PTPRN2: variants seen among roughly 807,000 people sequenced by gnomAD.
PTPRN2 encodes the protein protein tyrosine phosphatase receptor type N2, also known as receptor-type tyrosine-protein phosphatase N2.
In PTPRN2, 74 loss-of-function variants were observed where a neutral mutation model predicts 118.8. The ratio of observed to expected loss-of-function variants is 0.62; its 90% confidence interval spans 0.52 to 0.76. The LOEUF is 0.76. Among genes scored for constraint, PTPRN2 ranks in the 30% least tolerant of loss-of-function variants. PTPRN2 has a pLI of 0.00. For missense variants in PTPRN2, 1,481 were observed against 1,394.4 expected (o/e 1.06, Z -0.99); for synonymous variants, 641 against 608.0 (o/e 1.05, Z -0.80).
intron 5 of PTPRN2, among the ~76,000 whole-genome samples, chr7:158,189,388 C>T (rs896432925): frequency 1.3e-5 from 2 of 152,208 alleles, no homozygotes; most frequent in Non-Finnish European, 2.9e-5. Flanking sequence ...CAAAATGGAA[C>T]AACTGAGGCT....
At chr7:158,436,026 C>T (rs1816550227) in intron 2 of PTPRN2, among the ~76,000 whole-genome samples, 2 of 152,224 alleles carry the variant, frequency 1.3e-5, no homozygotes, top group African/African-American at 4.8e-5. Flanking sequence ...ATCAACAATA[C>T]TGTGCCATGC....
intron 3 of PTPRN2, among the ~76,000 whole-genome samples, chr7:158,211,716 C>G (rs1827616754): frequency 6.6e-6 from 1 of 152,158 alleles, no homozygotes; most frequent in Non-Finnish European, 1.5e-5. Context: ...CAGGCAATAA[C>G]AAATGCTGGC....
chr7:158,313,384 A>T lies in PTPRN2; in HGVS notation c.277+3435T>A, dbSNP rs191240279. 2.4e-3 allele frequency among the ~76,000 whole-genome samples: 365 copies of T among 152,350 alleles called. 10 individuals are homozygous for T. Among genetic ancestry groups the T allele is most frequent in the Admixed American group, 0.02 (311 of 15,310 alleles). ...CAATTCTGTGTCCCCACAATGCAGA[A>T]GATGACTTTTCACTGTCTAGAGAGT... On this transcript the variant is annotated intron_variant, in intron 3 of 22. Coordinates refer to ENST00000389418, the MANE Select transcript of PTPRN2 (RefSeq NM_002847.5).
chr7:158,149,536 G>A lies in PTPRN2; in HGVS notation c.911-11021C>T, dbSNP rs187724776. On this transcript the variant is annotated intron_variant, in intron 6 of 22. Transcript: ENST00000389418. ...AAGATAAGCCCGGCTGGGCGCAGTG[G>A]CTCATGCCTGTAATCCCAGCACTTT... is the stretch of plus-strand genomic sequence containing the variant. Among the ~76,000 whole-genome samples, 10 of 152,278 alleles carry A rather than the reference G, an allele frequency of 6.6e-5. 1 individual carries two copies. The highest frequency in any genetic ancestry group is 2.4e-4 in the African/African-American group (10 of 41,554).
chr7:158,131,320 C>A, intron 9 of PTPRN2, among the ~76,000 whole-genome samples: 1 of 83,110 alleles, frequency 1.2e-5, no homozygotes, highest in African/African-American at 7.2e-5. Flanking sequence ...ATCTACCCCA[C>A]ATACACACTC....
At chr7:158,456,421 C>T (rs147523371) in intron 2 of PTPRN2, among the ~76,000 whole-genome samples, 3,734 of 145,726 alleles carry the variant, frequency 0.026, 74 homozygotes, top group African/African-American at 0.043. Flanking sequence ...CCATCGGCCA[C>T]GGCCCCCCAT....
At chr7:157,912,842 C>CAG (rs1798175619) in intron 11 of PTPRN2, among the ~76,000 whole-genome samples, 1 of 152,188 alleles carries the variant, frequency 6.6e-6, no homozygotes, top group Admixed American at 6.5e-5. Flanking sequence ...GTTCCTGGCC[C>CAG]AGGTGTCTCT....
At chr7:158,370,499 T>A (rs1438580620) in intron 2 of PTPRN2, among the ~76,000 whole-genome samples, 1 of 150,972 alleles carries the variant, frequency 6.6e-6, no homozygotes, top group African/African-American at 2.4e-5. Flanking sequence ...ACGCCTGTAA[T>A]CCCAGCACTT....
chr7:158,576,429 C>T (rs1381775798), intron 1 of PTPRN2, among the ~76,000 whole-genome samples: 1 of 152,208 alleles, frequency 6.6e-6, no homozygotes, highest in African/African-American at 2.4e-5. Flanking sequence ...GGGCTGAAAA[C>T]ATGAGGGGCC....
chr7:158,386,888 C>G (rs2151363826), intron 2 of PTPRN2, among the ~76,000 whole-genome samples: 1 of 152,228 alleles, frequency 6.6e-6, no homozygotes, highest in Middle Eastern at 3.4e-3. Flanking sequence ...AATCTGCCAC[C>G]CTGGGAGATG....
chr7:158,318,998 C>T (rs1022269220), intron 2 of PTPRN2, among the ~76,000 whole-genome samples: 8 of 152,278 alleles, frequency 5.3e-5, no homozygotes, highest in Admixed American at 6.5e-5. Flanking sequence ...AATTTTGGAA[C>T]GTTCCAAGCA....
At position 157,611,662 on chromosome 7, in the gene PTPRN2, G is replaced by C. The variant is rs1802346064; in HGVS notation, c.2345-7587C>G. 6.6e-6 allele frequency among the ~76,000 whole-genome samples: 1 copy of C among 152,148 alleles called. No homozygotes were observed. Among genetic ancestry groups the C allele is most frequent in the Non-Finnish European group, 1.5e-5 (1 of 68,026 alleles). ...ATGACTGGCGTGCTGTTAGGAAGAA[G>C]GACTCTGCACACCCACACGGGAGGG... On this transcript the variant is annotated intron_variant, in intron 15 of 22. Transcript: ENST00000389418. This position sits in a 1 kb window ranked among gnomAD's most constrained non-coding sequence, Gnocchi z 5.9.
intron 2 of PTPRN2, among the ~76,000 whole-genome samples, chr7:158,418,438 G>A (rs1305147914): frequency 7.7e-6 from 1 of 129,668 alleles, no homozygotes. Context: ...TCGAGATGCT[G>A]TAGCTCTCAG....
chr7:157,820,089 C>T (rs1036689001), intron 12 of PTPRN2, among the ~76,000 whole-genome samples: 31 of 151,342 alleles, frequency 2.0e-4, no homozygotes, highest in Non-Finnish European at 8.8e-5. Context: ...TATATGCACA[C>T]ACACAACACA....
intron 12 of PTPRN2, among the ~76,000 whole-genome samples, chr7:157,751,139 C>A (rs1248540760): frequency 1.3e-5 from 2 of 152,184 alleles, no homozygotes; most frequent in African/African-American, 4.8e-5. Flanking sequence ...GCTGGGGGGA[C>A]CTGCAGCCGC....
chr7:157,819,347 C>T (rs1806646162), intron 12 of PTPRN2, among the ~76,000 whole-genome samples: 2 of 152,212 alleles, frequency 1.3e-5, no homozygotes, highest in East Asian at 3.9e-4. Flanking sequence ...ACAGGCTCCG[C>T]TCAGCTGGCT....
At chr7:157,738,191 C>A (rs1317858965) in intron 12 of PTPRN2, among the ~76,000 whole-genome samples, 1 of 152,206 alleles carries the variant, frequency 6.6e-6, no homozygotes, top group Non-Finnish European at 1.5e-5. Context: ...TGTGGCCGTA[C>A]ACAATAAGCT....
intron 5 of PTPRN2, among the ~76,000 whole-genome samples, chr7:158,171,016 C>CAT (rs556043592): frequency 2.1e-5 from 3 of 146,102 alleles, no homozygotes; most frequent in South Asian, 4.3e-4. Flanking sequence ...TATACACATA[C>CAT]ATATATATAC....
intron 12 of PTPRN2, among the ~76,000 whole-genome samples, chr7:157,850,265 A>G (rs10250961): frequency 0.66 from 95,955 of 144,328 alleles, 31,647 homozygotes; most frequent in East Asian, 0.92. Context: ...CCAGGTCTCC[A>G]AATTTCCGAC....
Sources: allele counts gnomAD v4.1 joint callset (sites outside exome capture counted in the v4.1 genomes callset), GRCh38; gene constraint gnomAD v4.1.1; non-coding constraint Gnocchi (gnomAD v3.1); transcripts MANE v1.5; gene names NCBI Gene and HGNC (gene_info 2026-07-23, HGNC 2026-07-21).